Variants in SLC36A2 observed in about 807,000 individuals in gnomAD.
The protein encoded by SLC36A2 is solute carrier family 36 member 2.
In SLC36A2, 39 loss-of-function variants were observed where a neutral mutation model predicts 42.7. The observed-to-expected ratio is 0.91, with a 90% CI of 0.71 to 1.19. SLC36A2 has a LOEUF of 1.19. Ranked by LOEUF, SLC36A2 falls within the 50% of genes most tolerant of loss-of-function variation. The pLI, the probability that SLC36A2 is intolerant of heterozygous loss-of-function variation, is 0.00. For missense variants in SLC36A2, 590 were observed against 613.7 expected, an observed-to-expected ratio of 0.96 and a Z score of 0.41; for synonymous variants, 237 against 240.8, an observed-to-expected ratio of 0.98 and a Z score of 0.15.
At chr5:151,343,045 A>G (rs1756392553) in intron 3 of SLC36A2, 62 bp from the exon 4 acceptor site, 2 of 1,342,574 alleles carry the variant, frequency 1.5e-6, no homozygotes, top group East Asian at 2.3e-5. Flanking sequence ...CACATGGTCA[A>G]AAGTCAGGAG....
intron 1 of SLC36A2, 63 bp from the exon 2 acceptor site, chr5:151,344,330 T>G: frequency 7.2e-7 from 1 of 1,391,080 alleles, no homozygotes; most frequent in Admixed American, 1.8e-5. Flanking sequence ...CAGCGGTGAT[T>G]CCCTTGCAGC....
chr5:151,317,514 T>C (rs1476900910), intron 9 of SLC36A2, among the ~76,000 whole-genome samples: 1 of 151,732 alleles, frequency 6.6e-6, no homozygotes, highest in Non-Finnish European at 1.5e-5. Context: ...AGAAATTCAA[T>C]TACAGAAAGA....
intron 7 of SLC36A2, among the ~76,000 whole-genome samples, 191 bp downstream of exon 7, chr5:151,333,033 T>G (rs1437839300): frequency 6.6e-6 from 1 of 152,246 alleles, no homozygotes; most frequent in Non-Finnish European, 1.5e-5. Flanking sequence ...ACTGCCTCTC[T>G]GTTGTAATCA....
chr5:151,334,069 ATAT>A (rs1166213832), intron 6 of SLC36A2, among the ~76,000 whole-genome samples: 2 of 152,280 alleles, frequency 1.3e-5, no homozygotes, highest in Admixed American at 6.5e-5. Context: ...TGTAGAATAA[ATAT>A]TCTATATACC....
chr5:151,346,007 C>G (rs1756482634), intron 1 of SLC36A2, among the ~76,000 whole-genome samples: 1 of 152,222 alleles, frequency 6.6e-6, no homozygotes, highest in Non-Finnish European at 1.5e-5. Flanking sequence ...GAATTCGAGT[C>G]TGGGTGAGCC....
chr5:151,336,928 A>G lies in SLC36A2; in HGVS notation c.526-1381T>C, dbSNP rs115722470. On this transcript the variant is annotated intron_variant, in intron 5 of 9. Coordinates refer to ENST00000335244, the MANE Select transcript of SLC36A2 (RefSeq NM_181776.3). The stretch of plus-strand genomic sequence containing the variant: ...TACTCATCTATATATTTTCTATACA[A>G]TATCACAAATTACATATATTATACA... Among the ~76,000 whole-genome samples, 1,278 of 152,296 alleles carry G rather than the reference A, an allele frequency of 8.4e-3. 14 individuals carry two copies. Among genetic ancestry groups the G allele is most frequent in the African/African-American group, 0.029 (1,209 of 41,546 alleles).
intron 9 of SLC36A2, among the ~76,000 whole-genome samples, chr5:151,320,950 C>T (rs1755667874): frequency 6.6e-6 from 1 of 152,116 alleles, no homozygotes. Flanking sequence ...TCAAATCCTA[C>T]CTCTGACACT....
chr5:151,347,418 C>T lies in SLC36A2; in HGVS notation c.43G>A (p.Ala15Thr), dbSNP rs557527217. Residue 15 changes from alanine (A) to threonine (T), a missense_variant, in exon 1 of 10, where the codon GCC becomes ACC. Physicochemically the swap from Ala to Thr is moderately conservative, Grantham distance 58 (BLOSUM62 0). Coordinates refer to ENST00000335244, the MANE Select transcript of SLC36A2 (RefSeq NM_181776.3). Reference protein sequence around the residue: ...KSTEGPQGAVAIKLDLMSPPE... With the variant: ...KSTEGPQGAVTIKLDLMSPPE... ...GGCGACATAAGGTCCAATTTGATGG[C>T]AACGGCTCCCTGGGGACCCTCAGTA... 1 of 1,614,224 alleles carries T rather than the reference C, an allele frequency of 6.2e-7. No homozygotes were observed. The highest frequency in any genetic ancestry group is 1.1e-5 in the South Asian group (1 of 91,084).
At chr5:151,323,189 C>T (rs1283578298) in intron 8 of SLC36A2, among the ~76,000 whole-genome samples, 9 of 151,820 alleles carry the variant, frequency 5.9e-5, no homozygotes, top group South Asian at 2.1e-4. Context: ...GAGCTGAGAT[C>T]GCACCACTGC....
intron 5 of SLC36A2, among the ~76,000 whole-genome samples, chr5:151,337,026 A>G (rs1756178704): frequency 6.6e-6 from 1 of 152,210 alleles, no homozygotes; most frequent in Non-Finnish European, 1.5e-5. Flanking sequence ...TGCACTTAAC[A>G]ATACACTGTG....
At chr5:151,325,093 A>G in intron 8 of SLC36A2, 193 bp downstream of exon 8, 1 of 696,840 alleles carries the variant, frequency 1.4e-6, no homozygotes, top group Non-Finnish European at 2.5e-6. Flanking sequence ...GCTTAACTCA[A>G]TTTGGGAGGC....
In SLC36A2 at chr5:151,316,279, C is replaced by A; in HGVS notation, c.*538G>T. The A allele has an allele frequency of 6.2e-6, 1 of 160,536 alleles. No individual in the cohort carries two copies. Among genetic ancestry groups the A allele is most frequent in the Non-Finnish European group, 1.4e-5 (1 of 72,916 alleles). The allele number at this position is 160,536 out of a possible 1,614,324, so 9.9% of individuals were successfully genotyped here. On this transcript the variant is annotated 3_prime_UTR_variant, in exon 10 of 10. Transcript: ENST00000335244. ...TCATAAGCTTGGATAGAGTCCAGAG[C>A]CTTCCAAGGGAAAGCTCACAATGTA... is the stretch of plus-strand genomic sequence containing the variant.
chr5:151,318,512 ATAAATAAAAAT>A (rs1374324725), intron 9 of SLC36A2, among the ~76,000 whole-genome samples: 2 of 104,372 alleles, frequency 1.9e-5, no homozygotes, highest in East Asian at 4.1e-4. Context: ...AAAATAAATA[ATAAATAAAAAT>A]ATAATAATTA....
chr5:151,338,918 G>T, intron 5 of SLC36A2, 142 bp downstream of exon 5: 2 of 672,208 alleles, frequency 3.0e-6, no homozygotes, highest in East Asian at 3.2e-5. Context: ...TGTGAACTAG[G>T]GGAGGCAAGT....
chr5:151,333,718 C>T (rs4099173), intron 6 of SLC36A2, among the ~76,000 whole-genome samples: 28,716 of 151,716 alleles, frequency 0.19, 6,887 homozygotes, highest in African/African-American at 0.57. Context: ...AAAAATTAGC[C>T]GGGCGTGGTG....
intron 7 of SLC36A2, among the ~76,000 whole-genome samples, chr5:151,332,105 G>A (rs185810615): frequency 1.3e-5 from 2 of 152,228 alleles, no homozygotes; most frequent in Admixed American, 1.3e-4. Flanking sequence ...GACCTCAAGT[G>A]ATCTGCCTGC....
Position 151,315,100 on chromosome 5 carries a change from G to A in SLC36A2, c.*1717C>T, listed in dbSNP as rs543045539. ...TCTAGGATGGCTTTACTCGTGTCTG[G>A]AAGTTGGTAGGCTGGTTGATCTGCG... is the stretch of plus-strand genomic sequence containing the variant. On this transcript the variant is annotated 3_prime_UTR_variant, in exon 10 of 10. Transcript: ENST00000335244. The A allele has an allele frequency of 3.9e-5, 6 of 152,796 alleles. No individual in the cohort carries two copies. The highest frequency in any genetic ancestry group is 1.4e-4 in the African/African-American group (6 of 41,570). The allele number at this position is 152,796 out of a possible 1,614,324, so 9.5% of individuals were successfully genotyped here.
intron 9 of SLC36A2, among the ~76,000 whole-genome samples, chr5:151,317,315 G>T (rs1755529766): frequency 6.6e-6 from 1 of 152,024 alleles, no homozygotes; most frequent in Admixed American, 6.5e-5. Flanking sequence ...AGCCGGGTGT[G>T]GTAGTGGGTG....
chr5:151,332,993 A>G (rs1756039846), intron 7 of SLC36A2, among the ~76,000 whole-genome samples: 1 of 152,238 alleles, frequency 6.6e-6, no homozygotes. Context: ...TTTAATAGGC[A>G]TGTGGGGACA....
Sources: allele counts gnomAD v4.1 joint callset (sites outside exome capture counted in the v4.1 genomes callset), GRCh38; gene constraint gnomAD v4.1.1; transcripts MANE v1.5; gene names NCBI Gene and HGNC (gene_info 2026-07-23, HGNC 2026-07-21).